Variants in ANKFY1 observed in about 807,000 individuals in gnomAD.
The protein encoded by ANKFY1 is ankyrin repeat and FYVE domain-containing protein 1.
Under a neutral mutation model 128.3 loss-of-function variants are expected in ANKFY1, and 47 were observed. That is an observed-to-expected ratio of 0.37 (90% CI 0.29 to 0.47). The LOEUF (loss-of-function observed/expected upper bound fraction) is 0.47, where lower values mean the gene tolerates loss of function less well. Among genes scored for constraint, ANKFY1 ranks in the 20% least tolerant of loss-of-function variants. The probability of loss-of-function intolerance (pLI) is 1.00; values close to 1 mark genes in which losing one functional copy is unlikely to be tolerated. For missense variants in ANKFY1, 1,222 were observed against 1,510.6 expected, an observed-to-expected ratio of 0.81 and a Z score of 3.17; for synonymous variants, 553 against 601.6, an observed-to-expected ratio of 0.92 and a Z score of 1.18.
chr17:4,184,647 G>A (rs1241322295), intron 12 of ANKFY1, among the ~76,000 whole-genome samples, 171 bp downstream of exon 12: 1 of 152,232 alleles, frequency 6.6e-6, no homozygotes, highest in East Asian at 1.9e-4. Context: ...CAGGGAAGCA[G>A]CAGTCAAGAG....
chr17:4,170,125 CT>C (rs2059288484), intron 23 of ANKFY1, among the ~76,000 whole-genome samples: 1 of 152,250 alleles, frequency 6.6e-6, no homozygotes, highest in Non-Finnish European at 1.5e-5. Flanking sequence ...GCTGTGCCCC[CT>C]GGGCAGGTCC....
chr17:4,249,105 A>G lies in ANKFY1; in HGVS notation c.11-6657T>C. 5.1e-6 allele frequency: 5 copies of G among 984,714 alleles called. No individual in the cohort carries two copies. The South Asian group carries it at 1.4e-4, about 28-fold the overall frequency. 61.0% of individuals were successfully genotyped at this position (984,714 alleles called of 1,614,324 possible). On this transcript the variant is annotated intron_variant, in intron 1 of 24. Transcript: ENST00000341657. ...AGCAAATTACCTCTTCAGAAGTTAT[A>G]TGGCACAGTCAGAAGAGAAACCAAG...
intron 1 of ANKFY1, among the ~76,000 whole-genome samples, chr17:4,243,931 A>AATT (rs1413976285): frequency 1.5e-5 from 2 of 134,512 alleles, no homozygotes; most frequent in Non-Finnish European, 3.3e-5. Context: ...AAAGATAAAC[A>AATT]ATTTTTTTTT....
Position 4,173,385 on chromosome 17 carries a change from A to G in ANKFY1, c.2983T>C (p.Cys995Arg). 1 of 1,614,006 alleles carries G rather than the reference A, an allele frequency of 6.2e-7. No individual in the cohort carries two copies. The highest frequency in any genetic ancestry group is 8.5e-7 in the Non-Finnish European group (1 of 1,179,962). The change falls in exon 21 of 25, where the codon TGC (cysteine) becomes CGC (arginine). Residue 995 changes from cysteine to arginine, a missense_variant. Coordinates refer to ENST00000341657, the MANE Select transcript of ANKFY1 (RefSeq NM_001330063.2). ...LNNIRVLLTE[C>R]TVDAEAFNLR... ...TTAAAGGCTTCGGCGTCCACTGTGC[A>G]CTCTGTCAGGAGAACCCGGATGTTG... is the stretch of plus-strand genomic sequence containing the variant.
Position 4,256,496 on chromosome 17 carries a change from T to C in ANKFY1, c.10+7436A>G, listed in dbSNP as rs141046317. 2.5e-3 allele frequency among the ~76,000 whole-genome samples: 386 copies of C among 152,186 alleles called. 1 individual carries two copies. The highest frequency in any genetic ancestry group is 5.0e-3 in the Admixed American group (77 of 15,282). ...CTCCAGGTTGAGAACTATGTACTAA[T>C]GGAACGAGGGAGAGAGGAAAGCACA... is the stretch of plus-strand genomic sequence containing the variant. On this transcript the variant is annotated intron_variant, in intron 1 of 24. Transcript: ENST00000341657.
At chr17:4,225,267 G>C (rs1331515548) in intron 3 of ANKFY1, among the ~76,000 whole-genome samples, 2 of 152,120 alleles carry the variant, frequency 1.3e-5, no homozygotes, top group Non-Finnish European at 2.9e-5. Flanking sequence ...TGAGGTAGGA[G>C]AATCTCTTGA....
At chr17:4,261,705 A>G (rs1196627509) in intron 1 of ANKFY1, among the ~76,000 whole-genome samples, 1 of 152,236 alleles carries the variant, frequency 6.6e-6, no homozygotes, top group African/African-American at 2.4e-5. Context: ...AAAGCACAGC[A>G]GGTGCTCAGT....
Position 4,184,923 on chromosome 17 carries a change from C to T in ANKFY1, c.1594G>A (p.Ala532Thr), listed in dbSNP as rs1177246007. Residue 532 changes from alanine to threonine, a missense_variant, in exon 12 of 25, where the codon GCA (alanine) becomes ACA (threonine). Physicochemically the swap from Ala to Thr is moderately conservative, Grantham distance 58 (BLOSUM62 0). Coordinates refer to ENST00000341657, the MANE Select transcript of ANKFY1 (RefSeq NM_001330063.2). ...EEALPLPKEAASLTSLADSVH... is the reference protein window; with the variant it reads ...EEALPLPKEATSLTSLADSVH... ...CTGTCCGCCAAGCTGGTCAGGGATG[C>T]GGCCTCCTTTGGCAGAGGCAGAGCT... 2.0e-5 allele frequency: 32 copies of T among 1,613,938 alleles called. No homozygotes were observed. Among genetic ancestry groups the T allele is most frequent in the Non-Finnish European group, 2.5e-5 (29 of 1,180,054 alleles).
Position 4,242,334 on chromosome 17 carries a change from T to C in ANKFY1, c.125A>G (p.Asn42Ser), listed in dbSNP as rs748182296. 2 of 1,602,470 alleles carry C rather than the reference T, an allele frequency of 1.2e-6. No homozygotes were observed. The highest frequency in any genetic ancestry group is 2.3e-5 in the East Asian group (1 of 43,756). The change falls in exon 2 of 25, where the codon AAC becomes AGC. Residue 42 changes from asparagine (N) to serine (S), a missense_variant. Physicochemically the swap from Asn to Ser is conservative, Grantham distance 46. Transcript: ENST00000341657. ...KRCALLAAQA[N>S]KESSSESFIS... ...GAAGGACTCGCTGCTGCTCTCCTTGTTTGCCTGCGCAGCCAAGAGAGCGCA... is the reference window on the plus strand; with the variant it reads ...GAAGGACTCGCTGCTGCTCTCCTTGCTTGCCTGCGCAGCCAAGAGAGCGCA...
At chr17:4,258,633 A>T (rs1968250594) in intron 1 of ANKFY1, among the ~76,000 whole-genome samples, 1 of 152,172 alleles carries the variant, frequency 6.6e-6, no homozygotes, top group Admixed American at 6.5e-5. Context: ...CACTTCTGGC[A>T]ATGGTGCAAG....
chr17:4,220,906 G>A (rs2060299705), intron 3 of ANKFY1, among the ~76,000 whole-genome samples: 1 of 152,224 alleles, frequency 6.6e-6, no homozygotes, highest in Admixed American at 6.5e-5. Context: ...AGAAGAGAAA[G>A]CAGTTGGCCT....
At chr17:4,255,405 G>A (rs982650423) in intron 1 of ANKFY1, among the ~76,000 whole-genome samples, 1 of 151,780 alleles carries the variant, frequency 6.6e-6, no homozygotes, top group Non-Finnish European at 1.5e-5. Context: ...CTGCCACCAT[G>A]CCCAGCTAAT....
chr17:4,185,275 G>A (rs2059591137), intron 11 of ANKFY1, among the ~76,000 whole-genome samples: 1 of 151,890 alleles, frequency 6.6e-6, no homozygotes, highest in African/African-American at 2.4e-5. Context: ...TCAAGATCTC[G>A]GCTCACTGCA....
chr17:4,171,130 T>C (rs1461419173), intron 22 of ANKFY1, among the ~76,000 whole-genome samples: 1 of 152,246 alleles, frequency 6.6e-6, no homozygotes, highest in Non-Finnish European at 1.5e-5. Context: ...GAGCTTGGGC[T>C]GCAAGAGAGC....
chr17:4,171,977 T>C (rs2059328712), intron 22 of ANKFY1, among the ~76,000 whole-genome samples: 2 of 152,260 alleles, frequency 1.3e-5, no homozygotes, highest in South Asian at 4.1e-4. Context: ...GATACAACTA[T>C]GCACTGCTTC....
intron 8 of ANKFY1, among the ~76,000 whole-genome samples, chr17:4,197,159 G>A (rs1003314154): frequency 2.0e-5 from 3 of 152,070 alleles, no homozygotes; most frequent in Non-Finnish European, 4.4e-5. Flanking sequence ...AAACCTCGAA[G>A]ACTTCAGTTA....
chr17:4,257,979 G>T (rs1968209567), intron 1 of ANKFY1, among the ~76,000 whole-genome samples: 1 of 152,200 alleles, frequency 6.6e-6, no homozygotes, highest in Non-Finnish European at 1.5e-5. Flanking sequence ...GCCAGTGACA[G>T]AATCCTGTGT....
chr17:4,168,016 A>G, intron 24 of ANKFY1, 105 bp from the exon 25 acceptor site: 4 of 1,311,056 alleles, frequency 3.1e-6, no homozygotes, highest in South Asian at 1.6e-5. Flanking sequence ...AGGCGCCCGC[A>G]ATGCTACTCT....
In ANKFY1 at chr17:4,235,758, A is replaced by G. The variant is rs996398940; in HGVS notation, c.322+14T>C. The G allele has an allele frequency of 3.8e-6, 6 of 1,597,958 alleles. No individual in the cohort carries two copies. The highest frequency in any genetic ancestry group is 5.1e-6 in the Non-Finnish European group (6 of 1,165,964). ...CGCTAGCAGTTTTGTGTCCCTGATCACTCAAAGGCTCACCTGACAGGTCCA... is the reference window on the plus strand; with the variant it reads ...CGCTAGCAGTTTTGTGTCCCTGATCGCTCAAAGGCTCACCTGACAGGTCCA... On this transcript the variant is annotated intron_variant, in intron 3 of 24. Transcript: ENST00000341657.
Sources: gnomAD v4.1 joint callset for allele counts (sites outside exome capture counted in the v4.1 genomes callset) on GRCh38, gnomAD v4.1.1 for gene constraint, MANE v1.5 for transcripts, NCBI Gene and HGNC (gene_info 2026-07-23, HGNC 2026-07-21) for gene names.